Variants in NPAS4 observed in about 807,000 individuals in gnomAD.
NPAS4 encodes neuronal PAS domain protein 4.
NPAS4 carries 10 observed loss-of-function variants against 64.0 expected under a neutral mutation model. The observed-to-expected ratio is 0.16, with a 90% confidence interval of 0.10 to 0.26. NPAS4 has a LOEUF of 0.26. Ranked by LOEUF, NPAS4 falls within the 10% of genes least tolerant of loss-of-function variation. The pLI is 1.00. For missense variants in NPAS4, 886 were observed against 992.6 expected (o/e 0.89, Z 1.44); for synonymous variants, 441 against 411.7 (o/e 1.07, Z -0.86).
the NPAS4 span, chr11:66,411,064 A>T: frequency 6.6e-6 from 1 of 152,350 alleles, no homozygotes; most frequent in East Asian, 1.9e-4. Context: ...CAGTCCCAGT[A>T]CTTACTCCCC....
chr11:66,422,346 G>A (rs1856758075), intron 2 of NPAS4, 75 bp downstream of exon 2: 3 of 1,529,840 alleles, frequency 2.0e-6, no homozygotes, highest in South Asian at 2.2e-5. Context: ...CTGAGGAACT[G>A]GGAATTACTA....
chr11:66,422,529 A>G lies in NPAS4; in HGVS notation c.406A>G (p.Thr136Ala). The G allele has an allele frequency of 6.2e-7, 1 of 1,613,236 alleles. No individual in the cohort carries two copies. Among genetic ancestry groups the G allele is most frequent in the Non-Finnish European group, 8.5e-7 (1 of 1,179,564 alleles). Residue 136 changes from threonine (T) to alanine (A), a missense_variant, in exon 3 of 8, where the codon ACC becomes GCC. Around this residue, in one of 3 missense-constraint regions of NPAS4, gnomAD observed 820 missense variants for 855.5 expected, o/e 0.96. Transcript: ENST00000311034. ...CCACCTCACTGTGCGCCAGCAACTC[A>G]CCCTGCCCTCTGCCCTGGACACTGG... ...ADHLTVRQQLTLPSALDTDRL... is the reference protein window; with the variant it reads ...ADHLTVRQQLALPSALDTDRL...
the NPAS4 span, among the ~76,000 whole-genome samples, chr11:66,415,634 G>A: frequency 1.1e-4 from 16 of 152,344 alleles, no homozygotes; most frequent in African/African-American, 3.8e-4. Context: ...AAAGGAGGCA[G>A]CAGGCTAGAT....
In NPAS4 at chr11:66,424,873, A is replaced by G; in HGVS notation, c.1983A>G (p.Pro661=). The G allele has an allele frequency of 6.2e-7, 1 of 1,613,056 alleles. No homozygotes were observed. Among genetic ancestry groups the G allele is most frequent in the East Asian group, 2.2e-5 (1 of 44,876 alleles). The stretch of plus-strand genomic sequence containing the variant: ...AGGCTGGCACTGGCGGACTAGAGCC[A>G]CTTGGAGGACTGGAGCCCCTGGACT... The part of the protein sequence containing the change: ...SAEAGTGGLE[P]LGGLEPLDSN... Residue 661 remains proline, a synonymous_variant, in exon 7 of 8, where the codon CCA becomes CCG. Transcript: ENST00000311034.
At chr11:66,416,641 T>A (rs79129064), upstream of NPAS4, among the ~76,000 whole-genome samples, 2,471 of 152,366 alleles carry the variant, frequency 0.016, 37 homozygotes, top group Non-Finnish European at 0.025. Context: ...TGGACCATCT[T>A]GCCCACCTGT....
At chr11:66,410,999 C>G in the NPAS4 span, 2 of 152,408 alleles carry the variant, frequency 1.3e-5, no homozygotes, top group Non-Finnish European at 2.9e-5. Flanking sequence ...TACCCAGCAC[C>G]AAGCTGTGAG....
chr11:66,419,547 A>G (rs1856706908), upstream of NPAS4, among the ~76,000 whole-genome samples: 1 of 152,126 alleles, frequency 6.6e-6, no homozygotes, highest in Admixed American at 6.5e-5. Context: ...TTCCATGCGC[A>G]CACAGCTACT....
chr11:66,424,629 G>A lies in NPAS4; in HGVS notation c.1739G>A (p.Ser580Asn). Residue 580 changes from serine to asparagine, a missense_variant, in exon 7 of 8, where the codon AGC becomes AAC. Physicochemically the swap from Ser to Asn is conservative, Grantham distance 46. Transcript: ENST00000311034. ...LYEKLPPSPS[S>N]PGNGDCTLLA... ...GAGAAGTTGCCCCCAAGTCCTAGCA[G>A]CCCTGGTAATGGGGACTGCACGCTC... 1 of 1,614,194 alleles carries A rather than the reference G, an allele frequency of 6.2e-7. No homozygotes were observed. The highest frequency in any genetic ancestry group is 8.5e-7 in the Non-Finnish European group (1 of 1,180,038).
chr11:66,419,121 G>A (rs796927910), upstream of NPAS4, among the ~76,000 whole-genome samples: 41 of 152,214 alleles, frequency 2.7e-4, no homozygotes, highest in African/African-American at 9.2e-4. Context: ...AGGTACATTA[G>A]AGGTCAGATT....
chr11:66,417,518 G>A (rs191930010), upstream of NPAS4, among the ~76,000 whole-genome samples: 1 of 152,280 alleles, frequency 6.6e-6, no homozygotes, highest in East Asian at 1.9e-4. Context: ...CAACAAGAGA[G>A]CTTTGCAAAT....
At position 66,426,139 on chromosome 11, in the gene NPAS4, G is replaced by A; in HGVS notation, c.*150G>A. 3 of 382,454 alleles carry A rather than the reference G, an allele frequency of 7.8e-6. No individual in the cohort carries two copies. Among genetic ancestry groups the A allele is most frequent in the South Asian group, 4.4e-5 (2 of 45,016 alleles). The allele number at this position is 382,454 out of a possible 1,614,324, so 23.7% of individuals were successfully genotyped here. ...GGCCCTGCAGGATTTTGGGGGGGGG[G>A]AGGTGGGAGGGCAAGGGAGGGGAGC... On this transcript the variant is annotated 3_prime_UTR_variant, in exon 8 of 8. Coordinates refer to ENST00000311034, the MANE Select transcript of NPAS4 (RefSeq NM_178864.4).
chr11:66,411,952 G>A, the NPAS4 span, among the ~76,000 whole-genome samples: 1 of 152,192 alleles, frequency 6.6e-6, no homozygotes, highest in Non-Finnish European at 1.5e-5. Flanking sequence ...CTGCTGTGAG[G>A]TTTTCATGAA....
Position 66,422,861 on chromosome 11 carries a change from C to A in NPAS4, c.618C>A (p.Gly206=). 2 of 1,612,892 alleles carry A rather than the reference C, an allele frequency of 1.2e-6. No homozygotes were observed. Among genetic ancestry groups the A allele is most frequent in the Non-Finnish European group, 1.7e-6 (2 of 1,179,970 alleles). The part of the protein sequence containing the change: ...EPRPRPGPGP[G]PGPASLFLAM... ...GACCCCGCCCAGGTCCTGGCCCTGGCCCTGGCCCTGCCTCGCTCTTCCTGG... is the reference window on the plus strand; with the variant it reads ...GACCCCGCCCAGGTCCTGGCCCTGGACCTGGCCCTGCCTCGCTCTTCCTGG... Residue 206 remains glycine, a synonymous_variant, in exon 4 of 8, where the codon GGC becomes GGA. Transcript: ENST00000311034.
the NPAS4 span, among the ~76,000 whole-genome samples, chr11:66,411,640 G>C: frequency 6.6e-6 from 1 of 152,146 alleles, no homozygotes; most frequent in African/African-American, 2.4e-5. Context: ...CCTCCCACCA[G>C]TGCTCAGCCC....
chr11:66,411,828 A>G, the NPAS4 span, among the ~76,000 whole-genome samples: 3 of 152,096 alleles, frequency 2.0e-5, no homozygotes, highest in East Asian at 3.9e-4. Context: ...TTCTCTGACC[A>G]CTGGAGCCTT....
chr11:66,413,653 T>C, the NPAS4 span, among the ~76,000 whole-genome samples: 1 of 152,202 alleles, frequency 6.6e-6, no homozygotes, highest in Admixed American at 6.5e-5. Context: ...TTGAATCTCA[T>C]TTATGAGGCC....
the NPAS4 span, among the ~76,000 whole-genome samples, chr11:66,414,562 C>G: frequency 6.6e-6 from 1 of 152,172 alleles, no homozygotes; most frequent in Admixed American, 6.5e-5. Context: ...CCTGCACCCT[C>G]TTTACATGAG....
At chr11:66,422,574 T>C (rs1180093906) in intron 3 of NPAS4, 21 bp downstream of exon 3, 1 of 1,606,558 alleles carries the variant, frequency 6.2e-7, no homozygotes, top group Non-Finnish European at 8.5e-7. Flanking sequence ...CCTTCTCCCT[T>C]CCTCGGTCCA....
rs1293780333 is a variant in NPAS4, at chr11:66,425,950, T to G, written c.2381-11T>G. ...TAACTGATTGTGTTCTCTCTATCTATCTCTCTGCAGATGGAAGTGGAGGGG... is the reference window on the plus strand; with the variant it reads ...TAACTGATTGTGTTCTCTCTATCTAGCTCTCTGCAGATGGAAGTGGAGGGG... On this transcript the variant is annotated splice_polypyrimidine_tract_variant and intron_variant, in intron 7 of 7. Coordinates refer to ENST00000311034, the MANE Select transcript of NPAS4 (RefSeq NM_178864.4). The G allele has an allele frequency of 6.2e-7, 1 of 1,605,548 alleles. No individual in the cohort carries two copies. The highest frequency in any genetic ancestry group is 8.5e-7 in the Non-Finnish European group (1 of 1,172,236).
Sources: allele counts gnomAD v4.1 joint callset (sites outside exome capture counted in the v4.1 genomes callset), GRCh38; gene constraint gnomAD v4.1.1; regional missense constraint gnomAD v4.1.1; transcripts MANE v1.5; gene names NCBI Gene and HGNC (gene_info 2026-07-23, HGNC 2026-07-21).